The following GAN variants were observed in gnomAD, a reference collection of about 807,000 sequenced individuals.
GAN encodes the protein gigaxonin, also known as epididymis secretory sperm binding protein.
GAN carries 48 observed loss-of-function variants against 71.3 expected under a neutral mutation model. The observed-to-expected ratio is 0.67, with a 90% confidence interval of 0.53 to 0.86. The LOEUF is 0.86. Among genes scored for constraint, GAN ranks in the 40% least tolerant of loss-of-function variants. GAN has a pLI of 0.00. For synonymous variants in GAN, 386 were observed against 276.8 expected (o/e 1.39, Z -3.92); for missense variants, 928 against 770.1 (o/e 1.21, Z -2.43).
At chr16:81,368,906 C>G (rs1910948339) in intron 9 of GAN, among the ~76,000 whole-genome samples, 1 of 152,180 alleles carries the variant, frequency 6.6e-6, no homozygotes, top group Non-Finnish European at 1.5e-5. Context: ...TTGACTGTTT[C>G]CCACTGCTTA....
rs971971009 is a variant in GAN, at chr16:81,389,218, ATAAT to A, written c.*11624_*11627del. ...TTATTAGCACAACTTGCTTCATTAA[ATAAT>A]TCGTGGCTTTTTCTGCCACTGGGGT... On this transcript the variant is annotated 3_prime_UTR_variant, in exon 11 of 11. Transcript: ENST00000648994. 8 of 152,248 alleles carry A rather than the reference ATAAT, an allele frequency of 5.3e-5. No individual in the cohort carries two copies. The highest frequency in any genetic ancestry group is 1.9e-4 in the African/African-American group (8 of 41,470). The allele number at this position is 152,248 out of a possible 1,614,324, so 9.4% of individuals were successfully genotyped here. A position where few individuals can be genotyped will look rare whatever the true frequency, so the allele number is the denominator to read the frequency against.
intron 9 of GAN, among the ~76,000 whole-genome samples, chr16:81,373,195 G>A (rs554177090): frequency 5.3e-5 from 8 of 152,334 alleles, no homozygotes; most frequent in African/African-American, 1.7e-4. Flanking sequence ...AGATGCCCTG[G>A]CTGCTTCACA....
chr16:81,324,548 G>A (rs1318009179), intron 1 of GAN, among the ~76,000 whole-genome samples: 4 of 152,142 alleles, frequency 2.6e-5, no homozygotes, highest in African/African-American at 9.7e-5. Context: ...AGCAAAGGGT[G>A]GGATGGCATC....
Position 81,363,830 on chromosome 16 carries a change from A to T in GAN, c.1123A>T (p.Met375Leu), listed in dbSNP as rs201252856. 30 of 1,612,896 alleles carry T rather than the reference A, an allele frequency of 1.9e-5. No individual in the cohort carries two copies. Among genetic ancestry groups the T allele is most frequent in the Non-Finnish European group, 3.4e-6 (4 of 1,179,030 alleles). ...CTTCGGAATTGTGGAGATAGATGGG[A>T]TGCTGTACATTTTGGGAGGAGAGGA... ...HNFGIVEIDG[M>L]LYILGGEDGE... The change falls in exon 7 of 11, where the codon ATG becomes TTG. Residue 375 changes from methionine (M) to leucine (L), a missense_variant. By Grantham distance (15) the Met-to-Leu change is conservative (BLOSUM62 2). Transcript: ENST00000648994.
At chr16:81,339,224 C>A (rs1206533578) in intron 1 of GAN, among the ~76,000 whole-genome samples, 1 of 152,176 alleles carries the variant, frequency 6.6e-6, no homozygotes, top group Non-Finnish European at 1.5e-5. Flanking sequence ...GGCTGCATTG[C>A]CAACCTTCTG....
intron 9 of GAN, among the ~76,000 whole-genome samples, chr16:81,370,330 AC>A (rs753989494): frequency 5.3e-4 from 80 of 151,900 alleles, no homozygotes; most frequent in Non-Finnish European, 1.0e-3. Flanking sequence ...GATGAACCCC[AC>A]CCCCAACCAC....
Position 81,379,108 on chromosome 16 carries a change from G to C in GAN, c.*1512G>C, listed in dbSNP as rs1185694631. 2 of 151,916 alleles carry C rather than the reference G, an allele frequency of 1.3e-5. No individual in the cohort carries two copies. Among genetic ancestry groups the C allele is most frequent in the Non-Finnish European group, 2.9e-5 (2 of 67,992 alleles). The allele number at this position is 151,916 out of a possible 1,614,324, so 9.4% of individuals were successfully genotyped here. A position where few individuals can be genotyped will look rare whatever the true frequency, so the allele number is the denominator to read the frequency against. On this transcript the variant is annotated 3_prime_UTR_variant, in exon 11 of 11. Transcript: ENST00000648994. ...TTTGTCTTATTAACACATGTATAAA[G>C]GTATCCTTTGGTTTTAAGTCGAGAA...
In GAN at chr16:81,389,307, C is replaced by G. The variant is rs761687771; in HGVS notation, c.*11711C>G. ...CTCGGTCTTGTACCCCTTCAGTTCG[C>G]CGGCGACGTAATGGTGATACCCTTT... On this transcript the variant is annotated 3_prime_UTR_variant, in exon 11 of 11. Coordinates refer to ENST00000648994, the MANE Select transcript of GAN (RefSeq NM_022041.4). The G allele has an allele frequency of 6.6e-6, 1 of 152,190 alleles. No homozygotes were observed. The highest frequency in any genetic ancestry group is 1.5e-5 in the Non-Finnish European group (1 of 68,038). 9.4% of individuals were successfully genotyped at this position (152,190 alleles called of 1,614,324 possible).
At chr16:81,358,731 C>G (rs1325995155) in intron 5 of GAN, among the ~76,000 whole-genome samples, 1 of 152,144 alleles carries the variant, frequency 6.6e-6, no homozygotes, top group African/African-American at 2.4e-5. Flanking sequence ...TTGAAAACTG[C>G]TCTACTTTAT....
intron 9 of GAN, among the ~76,000 whole-genome samples, chr16:81,367,642 T>A (rs1463962735): frequency 2.0e-5 from 3 of 152,252 alleles, no homozygotes; most frequent in Non-Finnish European, 4.4e-5. Flanking sequence ...CTTACCAATA[T>A]AAGATTCTAA....
intron 1 of GAN, among the ~76,000 whole-genome samples, chr16:81,348,026 T>A (rs11866327): frequency 0.028 from 4,259 of 151,934 alleles, 85 homozygotes; most frequent in East Asian, 0.089. Context: ...TAATAAATTT[T>A]AAAAAAAATA....
intron 1 of GAN, among the ~76,000 whole-genome samples, chr16:81,329,859 C>T (rs550530094): frequency 7.2e-5 from 11 of 152,284 alleles, no homozygotes; most frequent in Admixed American, 2.0e-4. Context: ...GACCTCTTTC[C>T]TGAGCCCCAG....
intron 4 of GAN, 123 bp downstream of exon 4, chr16:81,357,125 C>G: frequency 2.7e-6 from 2 of 752,788 alleles, no homozygotes; most frequent in East Asian, 2.7e-5. Context: ...TTTTTTTATA[C>G]TTTAAGTTTT....
intron 1 of GAN, among the ~76,000 whole-genome samples, chr16:81,322,374 G>A (rs1313047386): frequency 6.6e-6 from 1 of 152,226 alleles, no homozygotes; most frequent in Non-Finnish European, 1.5e-5. Flanking sequence ...TAGCAAGATG[G>A]TGGCAACCAA....
chr16:81,358,580 G>T (rs1341417855), intron 5 of GAN, among the ~76,000 whole-genome samples: 1 of 151,638 alleles, frequency 6.6e-6, no homozygotes, highest in Admixed American at 6.6e-5. Context: ...CTGCATTCCA[G>T]CCTGGGTGAC....
rs1285740788 is a variant in GAN, at chr16:81,389,138, A to G, written c.*11542A>G. 1.3e-5 allele frequency: 2 copies of G among 152,326 alleles called. No homozygotes were observed. The highest frequency in any genetic ancestry group is 2.4e-5 in the African/African-American group (1 of 41,566). 9.4% of individuals were successfully genotyped at this position (152,326 alleles called of 1,614,324 possible). ...GAAAACAAAGATAATCTGAATAAAA[A>G]TTGTGTGTTGGGAAATGTATCAAGT... On this transcript the variant is annotated 3_prime_UTR_variant, in exon 11 of 11. Coordinates refer to ENST00000648994, the MANE Select transcript of GAN (RefSeq NM_022041.4).
At chr16:81,375,427 C>A (rs1200270829) in intron 9 of GAN, among the ~76,000 whole-genome samples, 3 of 147,444 alleles carry the variant, frequency 2.0e-5, no homozygotes, top group Non-Finnish European at 4.4e-5. Context: ...GCCTTGACCT[C>A]CTTGACTCAA....
At position 81,384,000 on chromosome 16, in the gene GAN, G is replaced by T. The variant is rs557815707; in HGVS notation, c.*6404G>T. The T allele has an allele frequency of 6.6e-6, 1 of 152,222 alleles. No individual in the cohort carries two copies. The highest frequency in any genetic ancestry group is 2.1e-4 in the South Asian group (1 of 4,820). 9.4% of individuals were successfully genotyped at this position (152,222 alleles called of 1,614,324 possible). A position where few individuals can be genotyped will look rare whatever the true frequency, so the allele number is the denominator to read the frequency against. On this transcript the variant is annotated 3_prime_UTR_variant, in exon 11 of 11. Transcript: ENST00000648994. The stretch of plus-strand genomic sequence containing the variant: ...TCAGTTATGAATAAGGCATACCTTA[G>T]AAACTTGGGTTAAATTTTTTCAAGT...
intron 1 of GAN, among the ~76,000 whole-genome samples, chr16:81,339,618 G>C (rs918764916): frequency 1.3e-5 from 2 of 152,208 alleles, no homozygotes; most frequent in African/African-American, 4.8e-5. Context: ...GCCAGAACTT[G>C]ATCATTCCAT....
Sources: gnomAD v4.1 joint callset for allele counts (sites outside exome capture counted in the v4.1 genomes callset) on GRCh38, gnomAD v4.1.1 for gene constraint, MANE v1.5 for transcripts, NCBI Gene and HGNC (gene_info 2026-07-23, HGNC 2026-07-21) for gene names.